The following MRM1 variants were observed in gnomAD, a reference collection of about 807,000 sequenced individuals.
The protein encoded by MRM1 is mitochondrial rRNA methyltransferase 1.
Under a neutral mutation model 25.0 loss-of-function variants are expected in MRM1, and 24 were observed. The observed-to-expected ratio is 0.96, with a 90% CI of 0.69 to 1.35. MRM1 has a LOEUF of 1.35. Among genes scored for constraint, MRM1 ranks in the 40% most tolerant of loss-of-function variants. The pLI, the probability that MRM1 is intolerant of heterozygous loss-of-function variation, is 0.00. For synonymous variants in MRM1, 188 were observed against 199.2 expected, an observed-to-expected ratio of 0.94 and a Z score of 0.47; for missense variants, 431 against 464.1, an observed-to-expected ratio of 0.93 and a Z score of 0.65.
intron 2 of MRM1, among the ~76,000 whole-genome samples, chr17:36,604,072 A>G (rs1356336417): frequency 6.6e-6 from 1 of 152,190 alleles, no homozygotes; most frequent in Non-Finnish European, 1.5e-5. Context: ...AGGTGCCCCA[A>G]GCAGGGGCCT....
In MRM1 at chr17:36,601,631, T is replaced by C. The variant is rs1402489930; in HGVS notation, c.-180T>C. On this transcript the variant is annotated 5_prime_UTR_variant, in exon 1 of 5. Transcript: ENST00000614766. ...GTGGGAGCCTGGGAGCGGGTGGTCG[T>C]AGCTCGGTAGTCCAGTTGTGGGTAA... The C allele has an allele frequency of 4.9e-6, 3 of 606,642 alleles. No homozygotes were observed. The highest frequency in any genetic ancestry group is 3.6e-5 in the Admixed American group (1 of 27,880). 37.6% of individuals were successfully genotyped at this position (606,642 alleles called of 1,614,324 possible).
downstream of MRM1, among the ~76,000 whole-genome samples, chr17:36,610,417 A>G (rs1182904106): frequency 1.3e-5 from 2 of 152,066 alleles, no homozygotes; most frequent in African/African-American, 4.8e-5. Flanking sequence ...TGTTTTTCAT[A>G]GAGACGGGGT....
rs776697704 is a variant in MRM1 at position 36,602,503 on chromosome 17, C to A, written c.543-50C>A. On this transcript the variant is annotated intron_variant, in intron 1 of 4. Coordinates refer to ENST00000614766, the MANE Select transcript of MRM1 (RefSeq NM_024864.5). The surrounding 1 kb of genome is among the most constrained non-coding windows in gnomAD (Gnocchi z 4.1). ...TTGGGAGCCCTGGGAGGGTAGGGAG[C>A]CGGGCTTGAGATGGCCCAGCCTAAT... is the stretch of plus-strand genomic sequence containing the variant. The A allele has an allele frequency of 1.2e-6, 2 of 1,612,384 alleles. No individual in the cohort carries two copies. The highest frequency in any genetic ancestry group is 2.2e-5 in the South Asian group (2 of 90,996).
chr17:36,629,214 C>CTGCAGGCAG, the MRM1 span, among the ~76,000 whole-genome samples: 3 of 152,334 alleles, frequency 2.0e-5, no homozygotes, highest in African/African-American at 7.2e-5. Flanking sequence ...TGACAGGGCC[C>CTGCAGGCAG]TGCAGGCAGT....
chr17:36,616,806 C>T, the MRM1 span, among the ~76,000 whole-genome samples: 2 of 152,188 alleles, frequency 1.3e-5, no homozygotes, highest in African/African-American at 4.8e-5. Context: ...TCATAGCTCA[C>T]TGCAGCCTCC....
the MRM1 span, among the ~76,000 whole-genome samples, chr17:36,621,525 G>C: frequency 8.9e-4 from 136 of 152,106 alleles, 2 homozygotes; most frequent in Non-Finnish European, 1.9e-4. Flanking sequence ...CCTGCACCTT[G>C]TGCCCCTGCT....
At chr17:36,616,891 A>G in the MRM1 span, among the ~76,000 whole-genome samples, 1 of 151,892 alleles carries the variant, frequency 6.6e-6, no homozygotes, top group Non-Finnish European at 1.5e-5. Flanking sequence ...AGCTGATTAA[A>G]AACGTTTTTG....
At chr17:36,608,105 T>C in intron 4 of MRM1, 87 bp downstream of exon 4, 1 of 1,551,950 alleles carries the variant, frequency 6.4e-7, no homozygotes, top group East Asian at 2.3e-5. Context: ...GCTGGCTGTT[T>C]GTGTGCCTCA....
At chr17:36,617,861 C>T in the MRM1 span, among the ~76,000 whole-genome samples, 1 of 152,176 alleles carries the variant, frequency 6.6e-6, no homozygotes. Context: ...ACTGGGGGCT[C>T]TTTGCTGTTG....
At chr17:36,614,111 G>A in the MRM1 span, among the ~76,000 whole-genome samples, 1 of 151,870 alleles carries the variant, frequency 6.6e-6, no homozygotes, top group East Asian at 2.0e-4. Flanking sequence ...ATGATGAAAA[G>A]AGGCTTTTGA....
At chr17:36,612,134 A>C (rs558401975), downstream of MRM1, among the ~76,000 whole-genome samples, 2 of 152,106 alleles carry the variant, frequency 1.3e-5, no homozygotes, top group Non-Finnish European at 2.9e-5. Flanking sequence ...AGACTCCTCC[A>C]TGGTGGCTGG....
intron 2 of MRM1, among the ~76,000 whole-genome samples, chr17:36,604,972 T>C (rs1343821888): frequency 6.6e-6 from 1 of 151,488 alleles, no homozygotes; most frequent in Non-Finnish European, 1.5e-5. Context: ...AAACCCTGTC[T>C]CTACTAAAAA....
chr17:36,617,704 C>T, the MRM1 span, among the ~76,000 whole-genome samples: 1 of 151,998 alleles, frequency 6.6e-6, no homozygotes, highest in African/African-American at 2.4e-5. Flanking sequence ...CCAACCCTTC[C>T]TATCTTGCCT....
chr17:36,623,803 G>T, the MRM1 span, among the ~76,000 whole-genome samples: 2 of 152,100 alleles, frequency 1.3e-5, no homozygotes, highest in Non-Finnish European at 2.9e-5. Flanking sequence ...TTGGGGTCTC[G>T]CTGAGCCTCA....
chr17:36,608,504 A>G lies in MRM1; in HGVS notation c.*89A>G, dbSNP rs1599584477. 1.4e-6 allele frequency: 1 copy of G among 705,796 alleles called. No homozygotes were observed. The highest frequency in any genetic ancestry group is 3.4e-5 in the South Asian group (1 of 29,592). The allele number at this position is 705,796 out of a possible 1,614,324, so 43.7% of individuals were successfully genotyped here. ...CCAGTGTGCGGGGAGCCTCTGCCTG[A>G]GTGTGCACCAGGCCCATGTTTATTG... is the stretch of plus-strand genomic sequence containing the variant. On this transcript the variant is annotated 3_prime_UTR_variant, in exon 5 of 5. Coordinates refer to ENST00000614766, the MANE Select transcript of MRM1 (RefSeq NM_024864.5).
At chr17:36,609,435 G>C (rs2074960787), downstream of MRM1, among the ~76,000 whole-genome samples, 1 of 152,260 alleles carries the variant, frequency 6.6e-6, no homozygotes, top group East Asian at 1.9e-4. Flanking sequence ...ACTAGGGCAG[G>C]TGGACTCAAA....
rs534399246 is a variant in MRM1, at chr17:36,608,160, ATGAGGGGC to A, written c.890-80_890-73del. On this transcript the variant is annotated intron_variant, in intron 4 of 4. Transcript: ENST00000614766. ...GGGGAAATTACATCCCGTTGATGAG[ATGAGGGGC>A]TGCCTGAATGTCTAGGTCTCTAAAC... is the stretch of plus-strand genomic sequence containing the variant. 1.3e-3 allele frequency: 1,947 copies of A among 1,522,956 alleles called. 1 individual carries two copies. Among genetic ancestry groups the A allele is most frequent in the Non-Finnish European group, 1.6e-3 (1,793 of 1,125,900 alleles). The allele number at this position is 1,522,956 out of a possible 1,614,324, so 94.3% of individuals were successfully genotyped here. A position where few individuals can be genotyped will look rare whatever the true frequency, so the allele number is the denominator to read the frequency against.
chr17:36,605,100 G>T (rs962386795), intron 2 of MRM1, among the ~76,000 whole-genome samples: 27 of 150,794 alleles, frequency 1.8e-4, no homozygotes, highest in African/African-American at 6.3e-4. Context: ...AGATCACAGC[G>T]TTGCACTCCA....
At chr17:36,626,620 C>CA in the MRM1 span, among the ~76,000 whole-genome samples, 1 of 152,164 alleles carries the variant, frequency 6.6e-6, no homozygotes. Context: ...CTCAGCCTCC[C>CA]AAAGTGCTGG....
Sources: allele counts gnomAD v4.1 joint callset (sites outside exome capture counted in the v4.1 genomes callset), GRCh38; gene constraint gnomAD v4.1.1; non-coding constraint Gnocchi (gnomAD v3.1); transcripts MANE v1.5; gene names NCBI Gene and HGNC (gene_info 2026-07-23, HGNC 2026-07-21).